CSMD1: variants seen among roughly 807,000 people sequenced by gnomAD.
The protein encoded by CSMD1 is CUB and sushi domain-containing protein 1.
CSMD1 carries 213 observed loss-of-function variants against 417.5 expected under a neutral mutation model. The ratio of observed to expected loss-of-function variants is 0.51; its 90% CI spans 0.46 to 0.57. The LOEUF is 0.57. Ranked by LOEUF, CSMD1 falls within the 20% of genes least tolerant of loss-of-function variation. The probability of loss-of-function intolerance (pLI) is 0.00; values close to 1 mark genes in which losing one functional copy is unlikely to be tolerated. For synonymous variants in CSMD1, 2,862 were observed against 1,736.8 expected (o/e 1.65, Z -16.11); for missense variants, 6,923 against 4,529.7 (o/e 1.53, Z -15.17).
intron 49 of CSMD1, among the ~76,000 whole-genome samples, chr8:3,086,712 G>T: frequency 6.6e-6 from 1 of 152,168 alleles, no homozygotes; most frequent in Non-Finnish European, 1.5e-5. Context: ...AGAGCTTAGG[G>T]CTCAAAGAAT....
intron 3 of CSMD1, among the ~76,000 whole-genome samples, chr8:4,042,801 G>A (rs796899062): frequency 2.5e-5 from 2 of 78,936 alleles, no homozygotes; most frequent in African/African-American, 4.9e-5. Flanking sequence ...AATAGGTGAA[G>A]TGGTACAACA....
intron 1 of CSMD1, among the ~76,000 whole-genome samples, chr8:4,854,859 G>C (rs542897531): frequency 2.0e-3 from 305 of 152,310 alleles, no homozygotes; most frequent in African/African-American, 7.0e-3. Flanking sequence ...CATTGCCCAG[G>C]CTTGCTTAGG....
chr8:3,865,372 C>G lies in CSMD1; in HGVS notation c.819-111330G>C, dbSNP rs554792622. On this transcript the variant is annotated intron_variant, in intron 5 of 69. Transcript: ENST00000635120. ...TGCTGGTATGAAACTGGGTTTGCAACTGAACACATTCCCTCAGTCCCTGGG... is the reference window on the plus strand; with the variant it reads ...TGCTGGTATGAAACTGGGTTTGCAAGTGAACACATTCCCTCAGTCCCTGGG... 2.0e-5 allele frequency among the ~76,000 whole-genome samples: 3 copies of G among 152,304 alleles called. No individual in the cohort carries two copies. In the South Asian group the frequency reaches 6.2e-4, roughly 32 times the overall value.
intron 10 of CSMD1, among the ~76,000 whole-genome samples, chr8:3,533,553 T>C (rs1798067510): frequency 6.6e-6 from 1 of 152,212 alleles, no homozygotes; most frequent in South Asian, 2.1e-4. Context: ...ACTATGTCTA[T>C]AAAGCAGGTT....
At chr8:3,940,126 TA>T (rs1810775695) in intron 5 of CSMD1, among the ~76,000 whole-genome samples, 1 of 152,082 alleles carries the variant, frequency 6.6e-6, no homozygotes, top group Non-Finnish European at 1.5e-5. Flanking sequence ...ATAAAGTAAA[TA>T]GTACTACTAT....
At chr8:4,285,532 T>C (rs1165758339) in intron 3 of CSMD1, among the ~76,000 whole-genome samples, 1 of 152,196 alleles carries the variant, frequency 6.6e-6, no homozygotes, top group East Asian at 1.9e-4. Flanking sequence ...TTTTCGGATA[T>C]CAGGGCTTTC....
intron 5 of CSMD1, among the ~76,000 whole-genome samples, chr8:3,788,969 T>C (rs974105453): frequency 1.3e-5 from 2 of 152,156 alleles, no homozygotes; most frequent in Non-Finnish European, 2.9e-5. Context: ...ATGCAGATAA[T>C]CTGATTCCAA....
At chr8:4,894,680 G>A (rs185968986) in intron 1 of CSMD1, among the ~76,000 whole-genome samples, 12 of 147,820 alleles carry the variant, frequency 8.1e-5, no homozygotes, top group Admixed American at 6.9e-4. Context: ...CTTGATTTAA[G>A]TCAAGTTATC....
intron 2 of CSMD1, among the ~76,000 whole-genome samples, chr8:4,422,778 C>T (rs1460278915): frequency 6.6e-6 from 1 of 151,950 alleles, no homozygotes; most frequent in Non-Finnish European, 1.5e-5. Flanking sequence ...ATGCAAAAAT[C>T]CTTAACCAAG....
chr8:4,124,799 A>T lies in CSMD1; in HGVS notation c.416-92700T>A, dbSNP rs556614309. On this transcript the variant is annotated intron_variant, in intron 3 of 69. Transcript: ENST00000635120. ...TATAGGAAGTTTAAGCTCTAGTTGCAGCCTGATGTTTTTAACCAATCAGGC... is the reference window on the plus strand; with the variant it reads ...TATAGGAAGTTTAAGCTCTAGTTGCTGCCTGATGTTTTTAACCAATCAGGC... 2.6e-5 allele frequency among the ~76,000 whole-genome samples: 4 copies of T among 152,322 alleles called. No homozygotes were observed. The East Asian group carries it at 7.7e-4, about 29-fold the overall frequency.
chr8:3,260,337 G>A lies in CSMD1; in HGVS notation c.4153+23807C>T, dbSNP rs193275927. Reference sequence around the variant, plus strand: ...GCTTTGGGTGTTGCAGGATCAATGGGAACCAGCAGCTGGAGTTTTGTGTCG... The same window carrying A: ...GCTTTGGGTGTTGCAGGATCAATGGAAACCAGCAGCTGGAGTTTTGTGTCG... On this transcript the variant is annotated intron_variant, in intron 26 of 69. Coordinates refer to ENST00000635120, the MANE Select transcript of CSMD1 (RefSeq NM_033225.6). Among the ~76,000 whole-genome samples the A allele has an allele frequency of 4.8e-4, 73 of 152,196 alleles. No homozygotes were observed. In the East Asian group the frequency reaches 8.1e-3, roughly 17 times the overall value.
At chr8:3,688,923 A>G (rs373339528) in intron 7 of CSMD1, among the ~76,000 whole-genome samples, 3 of 152,342 alleles carry the variant, frequency 2.0e-5, no homozygotes, top group African/African-American at 7.2e-5. Flanking sequence ...AAAGTTAAAA[A>G]AAGTGAAAAT....
Position 4,477,856 on chromosome 8 carries a change from A to G in CSMD1, c.303-57791T>C, listed in dbSNP as rs192195840. 2.0e-3 allele frequency among the ~76,000 whole-genome samples: 304 copies of G among 152,320 alleles called. 4 individuals carry two copies. Among genetic ancestry groups the G allele is most frequent in the African/African-American group, 6.7e-3 (280 of 41,552 alleles). On this transcript the variant is annotated intron_variant, in intron 2 of 69. Coordinates refer to ENST00000635120, the MANE Select transcript of CSMD1 (RefSeq NM_033225.6). ...TTTGGTTTGTTTGCTTTAACTGGAC[A>G]TAAATTCTGAAAATCTCATAATCCT...
chr8:3,101,196 C>T (rs1815712876), intron 46 of CSMD1, among the ~76,000 whole-genome samples: 1 of 152,030 alleles, frequency 6.6e-6, no homozygotes, highest in African/African-American at 2.4e-5. Flanking sequence ...TTTAATTTAC[C>T]ACCTCTTCCC....
intron 3 of CSMD1, among the ~76,000 whole-genome samples, chr8:4,332,778 A>C (rs1799949560): frequency 6.6e-6 from 1 of 152,070 alleles, no homozygotes; most frequent in Admixed American, 6.6e-5. Context: ...TGAATGTTCA[A>C]ATTCAAAATA....
chr8:4,465,964 G>A (rs1180042291), intron 2 of CSMD1, among the ~76,000 whole-genome samples: 1 of 152,130 alleles, frequency 6.6e-6, no homozygotes, highest in African/African-American at 2.4e-5. Flanking sequence ...ATACCTTGTG[G>A]GAGAGACAAG....
chr8:4,650,901 A>C (rs1280167001), intron 1 of CSMD1, among the ~76,000 whole-genome samples: 1 of 152,230 alleles, frequency 6.6e-6, no homozygotes, highest in Non-Finnish European at 1.5e-5. Context: ...TCTATTTAGC[A>C]GGATAATACT....
intron 5 of CSMD1, among the ~76,000 whole-genome samples, chr8:3,993,287 T>A (rs1276029245): frequency 6.6e-6 from 1 of 152,214 alleles, no homozygotes; most frequent in Non-Finnish European, 1.5e-5. Flanking sequence ...CTCCTTCCTT[T>A]AATTTTGGGG....
At chr8:4,685,581 GA>G (rs1584943763) in intron 1 of CSMD1, among the ~76,000 whole-genome samples, 1 of 150,696 alleles carries the variant, frequency 6.6e-6, no homozygotes, top group Non-Finnish European at 1.5e-5. Flanking sequence ...TTCTTTAAAA[GA>G]AAAAAAGAAA....
Sources: gnomAD v4.1 joint callset for allele counts (sites outside exome capture counted in the v4.1 genomes callset) on GRCh38, gnomAD v4.1.1 for gene constraint, MANE v1.5 for transcripts, NCBI Gene and HGNC (gene_info 2026-07-23, HGNC 2026-07-21) for gene names.